The following PNLIPRP3 variants were observed in gnomAD, a reference collection of about 807,000 sequenced individuals.
PNLIPRP3 encodes the protein pancreatic lipase-related protein 3.
In PNLIPRP3, 58 loss-of-function variants were observed where a neutral mutation model predicts 52.8. That is an observed-to-expected ratio of 1.10 (90% confidence interval 0.89 to 1.37). The LOEUF (loss-of-function observed/expected upper bound fraction) is 1.37. PNLIPRP3 is among the 40% of genes most tolerant of loss of function. The pLI is 0.00. For synonymous variants in PNLIPRP3, 192 were observed against 185.0 expected, an observed-to-expected ratio of 1.04 and a Z score of -0.31; for missense variants, 593 against 561.6, an observed-to-expected ratio of 1.06 and a Z score of -0.57.
At chr10:116,445,692 G>A (rs1305489883) in intron 4 of PNLIPRP3, among the ~76,000 whole-genome samples, 1 of 152,200 alleles carries the variant, frequency 6.6e-6, no homozygotes, top group Non-Finnish European at 1.5e-5. Flanking sequence ...TTGCAGAACT[G>A]AAGGGAAAAA....
Position 116,435,927 on chromosome 10 carries a change from T to C in PNLIPRP3, c.50-784T>C, listed in dbSNP as rs1845767666. Among the ~76,000 whole-genome samples the C allele has an allele frequency of 3.9e-5, 6 of 152,354 alleles. No homozygotes were observed. The South Asian group carries it at 1.0e-3, about 26-fold the overall frequency. The stretch of plus-strand genomic sequence containing the variant: ...ACAAAGCTGGAAGCAGCACACTTCC[T>C]GATTCAAAACTATATTTACTACAAA... On this transcript the variant is annotated intron_variant, in intron 1 of 11. Coordinates refer to ENST00000369230, the MANE Select transcript of PNLIPRP3 (RefSeq NM_001011709.3).
chr10:116,461,164 T>A lies in PNLIPRP3; in HGVS notation c.686-4T>A. 1 of 1,614,190 alleles carries A rather than the reference T, an allele frequency of 6.2e-7. No individual in the cohort carries two copies. Among genetic ancestry groups the A allele is most frequent in the Non-Finnish European group, 8.5e-7 (1 of 1,180,018 alleles). Reference sequence around the variant, plus strand: ...GGCATTTACCCTGTTTTTATTTATTTCAGGTGTTGGAACCATTGATGCTTG... The same window carrying A: ...GGCATTTACCCTGTTTTTATTTATTACAGGTGTTGGAACCATTGATGCTTG... On this transcript the variant is annotated splice_region_variant and splice_polypyrimidine_tract_variant and intron_variant, in intron 6 of 11. Transcript: ENST00000369230.
chr10:116,431,393 C>T (rs538739826), intron 1 of PNLIPRP3, among the ~76,000 whole-genome samples: 2 of 152,156 alleles, frequency 1.3e-5, no homozygotes, highest in Non-Finnish European at 2.9e-5. Context: ...TTAACCCCTG[C>T]TCCTCATCCA....
chr10:116,439,184 T>G (rs146242466), intron 2 of PNLIPRP3, among the ~76,000 whole-genome samples: 4 of 152,342 alleles, frequency 2.6e-5, no homozygotes, highest in African/African-American at 9.6e-5. Context: ...ATTTTAATGT[T>G]ATGTATATTT....
chr10:116,442,647 T>C (rs1845874872), intron 2 of PNLIPRP3, among the ~76,000 whole-genome samples: 1 of 152,146 alleles, frequency 6.6e-6, no homozygotes, highest in African/African-American at 2.4e-5. Flanking sequence ...GAAGATCACT[T>C]GAGGCCAGGA....
intron 2 of PNLIPRP3, chr10:116,439,994 A>G (rs1482686833): frequency 1.3e-6 from 1 of 780,282 alleles, no homozygotes; most frequent in African/African-American, 1.7e-5. Flanking sequence ...TGCACGAAGA[A>G]GGCATAAGCA....
chr10:116,466,164 A>G lies in PNLIPRP3; in HGVS notation c.923A>G (p.Lys308Arg). 3 of 1,585,186 alleles carry G rather than the reference A, an allele frequency of 1.9e-6. No homozygotes were observed. Among genetic ancestry groups the G allele is most frequent in the Non-Finnish European group, 2.6e-6 (3 of 1,156,770 alleles). ...CCTTGTAGATCCTACACATCTTTTA[A>G]AGCAGTAAGTAAATCATCTTACTTG... ...AYPCRSYTSF[K>R]AGNCFFCSKE... The change falls in exon 8 of 12, where the codon AAA becomes AGA. Residue 308 changes from lysine to arginine, a missense_variant. Coordinates refer to ENST00000369230, the MANE Select transcript of PNLIPRP3 (RefSeq NM_001011709.3).
intron 2 of PNLIPRP3, among the ~76,000 whole-genome samples, chr10:116,437,761 T>G (rs1454006145): frequency 6.6e-6 from 1 of 152,122 alleles, no homozygotes; most frequent in Non-Finnish European, 1.5e-5. Flanking sequence ...TAGCCACATG[T>G]GACTATTAAA....
chr10:116,427,863 A>T lies in PNLIPRP3; in HGVS notation c.-150A>T. On this transcript the variant is annotated 5_prime_UTR_variant, in exon 1 of 12. Coordinates refer to ENST00000369230, the MANE Select transcript of PNLIPRP3 (RefSeq NM_001011709.3). ...GATAATTTTATTTACTTTGCAGAGC[A>T]TAAGGTGGAATAACATGTTCTTTTA... The T allele has an allele frequency of 1.5e-6, 1 of 656,610 alleles. No individual in the cohort carries two copies. The highest frequency in any genetic ancestry group is 2.8e-6 in the Non-Finnish European group (1 of 363,334). The allele number at this position is 656,610 out of a possible 1,614,324, so 40.7% of individuals were successfully genotyped here.
intron 4 of PNLIPRP3, among the ~76,000 whole-genome samples, chr10:116,450,779 C>G (rs1846022637): frequency 6.6e-6 from 1 of 151,966 alleles, no homozygotes; most frequent in South Asian, 2.1e-4. Flanking sequence ...CTGAACAGAC[C>G]TGTATTAAAG....
intron 3 of PNLIPRP3, 125 bp from the exon 4 acceptor site, chr10:116,444,257 C>CG: frequency 1.3e-6 from 1 of 768,146 alleles, no homozygotes; most frequent in Non-Finnish European, 1.9e-6. Context: ...AAGATTTGGT[C>CG]GGGGACACAA....
intron 1 of PNLIPRP3, among the ~76,000 whole-genome samples, chr10:116,430,076 G>C (rs1845688196): frequency 6.6e-6 from 1 of 152,172 alleles, no homozygotes; most frequent in South Asian, 2.1e-4. Flanking sequence ...CCCCTCAGTA[G>C]GTGAGAGAAG....
chr10:116,447,050 T>TA (rs1477170885), intron 4 of PNLIPRP3, among the ~76,000 whole-genome samples: 1 of 152,194 alleles, frequency 6.6e-6, no homozygotes, highest in Non-Finnish European at 1.5e-5. Flanking sequence ...GCAGTCACTA[T>TA]AGCCCCTTCC....
Position 116,477,242 on chromosome 10 carries a change from T to C in PNLIPRP3, c.*89T>C. ...CTGGCATCCAGACCAAATTTGACCC[T>C]TGTAAATGACTTAGTCATTTACAAG... is the stretch of plus-strand genomic sequence containing the variant. On this transcript the variant is annotated 3_prime_UTR_variant, in exon 12 of 12. Transcript: ENST00000369230. The C allele has an allele frequency of 1.9e-6, 2 of 1,072,146 alleles. No individual in the cohort carries two copies. The highest frequency in any genetic ancestry group is 2.3e-5 in the Admixed American group (1 of 43,494). The allele number at this position is 1,072,146 out of a possible 1,614,324, so 66.4% of individuals were successfully genotyped here. A position where few individuals can be genotyped will look rare whatever the true frequency, so the allele number is the denominator to read the frequency against.
At chr10:116,433,082 C>T (rs1296034046) in intron 1 of PNLIPRP3, among the ~76,000 whole-genome samples, 3 of 111,674 alleles carry the variant, frequency 2.7e-5, no homozygotes, top group East Asian at 5.8e-4. Context: ...CCATTGCACT[C>T]CAGCTTGAGC....
chr10:116,451,483 T>G (rs1846036873), intron 4 of PNLIPRP3, among the ~76,000 whole-genome samples: 1 of 152,138 alleles, frequency 6.6e-6, no homozygotes, highest in South Asian at 2.1e-4. Flanking sequence ...TGAAATGTGG[T>G]CATCAATTTG....
At chr10:116,448,696 TG>T (rs1845991617) in intron 4 of PNLIPRP3, among the ~76,000 whole-genome samples, 1 of 10,638 alleles carries the variant, frequency 9.4e-5, no homozygotes, top group South Asian at 0.015. Flanking sequence ...AAAGGTGTTT[TG>T]TTTTGTTTTG....
chr10:116,473,676 C>G (rs190568428), intron 10 of PNLIPRP3, among the ~76,000 whole-genome samples: 11 of 152,118 alleles, frequency 7.2e-5, no homozygotes, highest in Non-Finnish European at 1.3e-4. Flanking sequence ...TGCCCACCAC[C>G]ATGCCTGGCT....
intron 2 of PNLIPRP3, among the ~76,000 whole-genome samples, chr10:116,437,360 T>C (rs1172480543): frequency 6.6e-6 from 1 of 151,984 alleles, no homozygotes. Context: ...AGGTAACATT[T>C]TGAGGAGGAC....
Sources: gnomAD v4.1 joint callset for allele counts (sites outside exome capture counted in the v4.1 genomes callset) on GRCh38, gnomAD v4.1.1 for gene constraint, MANE v1.5 for transcripts, NCBI Gene and HGNC (gene_info 2026-07-23, HGNC 2026-07-21) for gene names.